The following ZNF385D variants were observed in gnomAD, a reference collection of about 807,000 sequenced individuals.
ZNF385D encodes the protein zinc finger protein 385D, also known as zinc finger protein 659.
ZNF385D carries 15 observed loss-of-function variants against 35.8 expected under a neutral mutation model. The observed-to-expected ratio is 0.42, with a 90% CI of 0.28 to 0.64. The LOEUF (loss-of-function observed/expected upper bound fraction) is 0.64. Ranked by LOEUF, ZNF385D falls within the 30% of genes least tolerant of loss-of-function variation. The pLI, the probability that ZNF385D is intolerant of heterozygous loss-of-function variation, is 0.23. For synonymous variants in ZNF385D, 212 were observed against 186.8 expected (o/e 1.13, Z -1.10); for missense variants, 474 against 494.6 (o/e 0.96, Z 0.39).
At chr3:21,922,485 C>T (rs1356514714) in intron 3 of ZNF385D, among the ~76,000 whole-genome samples, 4 of 152,108 alleles carry the variant, frequency 2.6e-5, no homozygotes, top group African/African-American at 9.7e-5. Context: ...AATAGAGTCA[C>T]ACACGTACAG....
chr3:22,250,779 G>A (rs550066125), intron 2 of ZNF385D, among the ~76,000 whole-genome samples: 1 of 152,160 alleles, frequency 6.6e-6, no homozygotes, highest in East Asian at 1.9e-4. Context: ...AGTGAGCAAA[G>A]GGCAAAATGT....
At chr3:21,578,409 A>G (rs1444931448) in intron 2 of ZNF385D, among the ~76,000 whole-genome samples, 1 of 152,150 alleles carries the variant, frequency 6.6e-6, no homozygotes, top group African/African-American at 2.4e-5. Flanking sequence ...GCCCAGACCA[A>G]TGTACTAAAG....
chr3:21,587,685 A>G (rs970586090), intron 2 of ZNF385D, among the ~76,000 whole-genome samples: 1 of 152,150 alleles, frequency 6.6e-6, no homozygotes, highest in African/African-American at 2.4e-5. Flanking sequence ...TATAAGAATT[A>G]TTGGTATAAC....
rs117963427 is a variant in ZNF385D at position 22,365,036 on chromosome 3, A to G, written c.106+7414T>C. Among the ~76,000 whole-genome samples the G allele has an allele frequency of 9.2e-4, 140 of 152,218 alleles. 2 individuals carry two copies. The East Asian group carries it at 0.023, about 25-fold the overall frequency. Reference sequence around the variant, plus strand: ...TCCACTTACATGAGGTACTTAAAGTAATCAAAATCAATCATAGAGACAGAA... The same window carrying G: ...TCCACTTACATGAGGTACTTAAAGTGATCAAAATCAATCATAGAGACAGAA... On this transcript the variant is annotated intron_variant, in intron 2 of 5. Coordinates refer to the ZNF385D transcript ENST00000494108.
chr3:21,988,838 C>A (rs1024655777), intron 3 of ZNF385D, among the ~76,000 whole-genome samples: 16 of 152,284 alleles, frequency 1.1e-4, no homozygotes, highest in African/African-American at 3.8e-4. Flanking sequence ...GGGCGTAGGA[C>A]CCTCCGAGCC....
At chr3:21,574,756 A>T (rs1575223730) in intron 2 of ZNF385D, among the ~76,000 whole-genome samples, 1 of 152,154 alleles carries the variant, frequency 6.6e-6, no homozygotes, top group African/African-American at 2.4e-5. Flanking sequence ...GGATTTTTAG[A>T]TTTTCATTAT....
chr3:22,253,034 A>G (rs1700140491), intron 2 of ZNF385D, among the ~76,000 whole-genome samples: 1 of 152,108 alleles, frequency 6.6e-6, no homozygotes, highest in Admixed American at 6.6e-5. Flanking sequence ...TGAATTGAAA[A>G]GCAAAGAGAT....
rs34167369 is a variant in ZNF385D at position 21,895,319 on chromosome 3, C to CTTTTT, written c.326-230296_326-230292dup. ...ATGGTTGAATCACTGAAATGTGTGG[C>CTTTTT]TTTTTTTTTTTTTTTTTTTTTTTTT... On this transcript the variant is annotated intron_variant, in intron 3 of 5. Coordinates refer to the ZNF385D transcript ENST00000494108. 1.5e-3 allele frequency among the ~76,000 whole-genome samples: 96 copies of CTTTTT among 62,698 alleles called. 14 individuals are homozygous for CTTTTT. The highest frequency in any genetic ancestry group is 0.015 in the Middle Eastern group (1 of 66). 41.1% of individuals were successfully genotyped at this position (62,698 alleles called of 152,430 possible). A position where few individuals can be genotyped will look rare whatever the true frequency, so the allele number is the denominator to read the frequency against.
chr3:21,551,208 C>T (rs996988219), intron 3 of ZNF385D, among the ~76,000 whole-genome samples: 2 of 152,150 alleles, frequency 1.3e-5, no homozygotes, highest in African/African-American at 4.8e-5. Context: ...AAGCAGGAAA[C>T]ACATAGATCT....
chr3:22,057,203 G>A (rs1576236331), intron 3 of ZNF385D, among the ~76,000 whole-genome samples: 2 of 152,068 alleles, frequency 1.3e-5, no homozygotes, highest in African/African-American at 2.4e-5. Flanking sequence ...GTACAACCTT[G>A]GGCAAGTTAA....
intron 4 of ZNF385D, among the ~76,000 whole-genome samples, chr3:21,457,804 T>G (rs1208728863): frequency 1.3e-5 from 2 of 152,196 alleles, no homozygotes; most frequent in African/African-American, 4.8e-5. Flanking sequence ...AATAAGTTAA[T>G]TTAAGAATTA....
intron 2 of ZNF385D, among the ~76,000 whole-genome samples, chr3:22,350,335 C>A (rs554559703): frequency 2.7e-4 from 41 of 152,192 alleles, no homozygotes; most frequent in African/African-American, 8.9e-4. Flanking sequence ...GTAAAAATTT[C>A]TTTGTGCAGT....
intron 3 of ZNF385D, among the ~76,000 whole-genome samples, chr3:21,858,173 A>AT (rs1696839421): frequency 6.6e-6 from 1 of 150,456 alleles, no homozygotes; most frequent in Non-Finnish European, 1.5e-5. Flanking sequence ...AAAAAAAAAA[A>AT]GGGAAATACA....
intron 3 of ZNF385D, among the ~76,000 whole-genome samples, chr3:21,999,570 G>A (rs2125411605): frequency 6.6e-6 from 1 of 152,160 alleles, no homozygotes; most frequent in Admixed American, 6.5e-5. Flanking sequence ...GGTCAGACTA[G>A]TTTTCAAATA....
intron 2 of ZNF385D, among the ~76,000 whole-genome samples, chr3:22,329,466 A>G (rs1030611022): frequency 5.9e-5 from 9 of 152,114 alleles, no homozygotes; most frequent in Non-Finnish European, 7.4e-5. Flanking sequence ...AGGTTCTTCA[A>G]TTTTACTATA....
At chr3:21,823,020 A>T (rs1290803444) in intron 3 of ZNF385D, among the ~76,000 whole-genome samples, 4 of 152,200 alleles carry the variant, frequency 2.6e-5, no homozygotes, top group Non-Finnish European at 5.9e-5. Context: ...AAACAGTAAT[A>T]CAAGAGAATT....
intron 3 of ZNF385D, among the ~76,000 whole-genome samples, chr3:21,920,622 CAA>C (rs71044953): frequency 1.6e-3 from 212 of 129,962 alleles, no homozygotes; most frequent in African/African-American, 4.0e-3. Context: ...GATACAATGC[CAA>C]AAAAAAAAAA....
intron 2 of ZNF385D, among the ~76,000 whole-genome samples, chr3:22,178,479 T>C (rs994766035): frequency 1.3e-5 from 2 of 152,240 alleles, no homozygotes; most frequent in African/African-American, 4.8e-5. Flanking sequence ...TTCTGGATAT[T>C]AGCCCTTTGT....
intron 3 of ZNF385D, among the ~76,000 whole-genome samples, chr3:21,923,506 C>A (rs1010940388): frequency 2.0e-5 from 3 of 152,074 alleles, no homozygotes; most frequent in Non-Finnish European, 4.4e-5. Flanking sequence ...CCCATTACTG[C>A]ATATAGAATC....
Sources: gnomAD v4.1 joint callset for allele counts (sites outside exome capture counted in the v4.1 genomes callset) on GRCh38, gnomAD v4.1.1 for gene constraint, MANE v1.5 for transcripts, NCBI Gene and HGNC (gene_info 2026-07-23, HGNC 2026-07-21) for gene names.